TACC2: variants seen among roughly 807,000 people sequenced by gnomAD.
TACC2 encodes the protein transforming acidic coiled-coil containing protein 2.
A neutral mutation model predicts 227.3 loss-of-function variants in TACC2; 137 were observed. The observed-to-expected ratio is 0.60, with a 90% CI of 0.52 to 0.69. TACC2 has a LOEUF of 0.69. TACC2 is among the 30% of genes least tolerant of loss of function. TACC2 has a pLI of 0.00. For missense variants in TACC2, 3,470 were observed against 3,694.4 expected (o/e 0.94, Z 1.57); for synonymous variants, 1,523 against 1,487.5 (o/e 1.02, Z -0.55).
intron 2 of TACC2, among the ~76,000 whole-genome samples, chr10:122,030,137 GA>G (rs139063454): frequency 0.087 from 13,282 of 152,202 alleles, 743 homozygotes; most frequent in Non-Finnish European, 0.12. Flanking sequence ...AGAAACCCTA[GA>G]ATACAAGAAC....
At chr10:122,204,123 G>C (rs1055985961) in intron 8 of TACC2, among the ~76,000 whole-genome samples, 1 of 149,216 alleles carries the variant, frequency 6.7e-6, no homozygotes, top group Non-Finnish European at 1.5e-5. Context: ...GTCCAGCTTC[G>C]GCTCGGCATC....
At position 122,249,143 on chromosome 10, in the gene TACC2, G is replaced by C; in HGVS notation, c.8647G>C (p.Glu2883Gln). ...RYQALKVHAE[E>Q]KLDRANAEIA... ...CCAGGCCCTGAAGGTGCACGCGGAG[G>C]AGAAACTGGACAGGTAACATTTAGC... The change falls in exon 21 of 23, where the codon GAG becomes CAG. Residue 2883 changes from glutamate to glutamine, a missense_variant. Physicochemically the swap from Glu to Gln is conservative, Grantham distance 29. Coordinates refer to ENST00000369005, the MANE Select transcript of TACC2 (RefSeq NM_206862.4). The C allele has an allele frequency of 6.2e-7, 1 of 1,610,728 alleles. No individual in the cohort carries two copies. Among genetic ancestry groups the C allele is most frequent in the Non-Finnish European group, 8.5e-7 (1 of 1,179,012 alleles).
chr10:122,168,232 T>G (rs2093296128), intron 7 of TACC2, among the ~76,000 whole-genome samples: 1 of 152,164 alleles, frequency 6.6e-6, no homozygotes, highest in Admixed American at 6.5e-5. Context: ...CTTTGTTTCT[T>G]GGGGCAGCCC....
chr10:122,201,922 C>T (rs17103195), intron 8 of TACC2, among the ~76,000 whole-genome samples: 15 of 152,104 alleles, frequency 9.9e-5, no homozygotes, highest in East Asian at 9.7e-4. Flanking sequence ...CCAAGGTTTC[C>T]GCTGCTTTTT....
intron 3 of TACC2, among the ~76,000 whole-genome samples, chr10:122,074,124 A>C (rs1367572877): frequency 7.2e-6 from 1 of 139,560 alleles, no homozygotes; most frequent in Non-Finnish European, 1.5e-5. Context: ...TCTGTTGCAC[A>C]GGCTGGAATG....
intron 1 of TACC2, among the ~76,000 whole-genome samples, chr10:122,012,997 T>G (rs1956136423): frequency 6.6e-6 from 1 of 152,140 alleles, no homozygotes; most frequent in South Asian, 2.1e-4. Context: ...TGAAGAGCAG[T>G]TGGCAAAGCA....
At chr10:122,071,266 A>G (rs1040502632) in intron 3 of TACC2, among the ~76,000 whole-genome samples, 8 of 152,166 alleles carry the variant, frequency 5.3e-5, no homozygotes, top group South Asian at 2.1e-4. Context: ...TTATATCAGA[A>G]TGTTATTGGC....
chr10:122,041,795 T>C (rs944315370), intron 2 of TACC2, among the ~76,000 whole-genome samples: 11 of 152,248 alleles, frequency 7.2e-5, no homozygotes, highest in Non-Finnish European at 1.2e-4. Context: ...CCACAGCCCC[T>C]GCTGTGGGGT....
At chr10:122,000,689 G>T (rs1954192815) in intron 1 of TACC2, among the ~76,000 whole-genome samples, 1 of 152,008 alleles carries the variant, frequency 6.6e-6, no homozygotes, top group Admixed American at 6.6e-5. Context: ...ACCCATTACT[G>T]GTTTCTACAA....
At chr10:122,198,794 C>T (rs1473363180) in intron 8 of TACC2, among the ~76,000 whole-genome samples, 1 of 152,228 alleles carries the variant, frequency 6.6e-6, no homozygotes, top group Non-Finnish European at 1.5e-5. Flanking sequence ...TAGCCTGGGG[C>T]AGGCCCTTAG....
intron 3 of TACC2, among the ~76,000 whole-genome samples, chr10:122,078,313 AAAACC>A (rs2079065816): frequency 6.6e-6 from 1 of 151,566 alleles, no homozygotes; most frequent in African/African-American, 2.4e-5. Flanking sequence ...CCGACTCCTG[AAAACC>A]TGGTCGTGCA....
chr10:122,108,919 G>A (rs971330596), intron 5 of TACC2, among the ~76,000 whole-genome samples: 3 of 151,864 alleles, frequency 2.0e-5, no homozygotes. Flanking sequence ...ATTTTTAGTA[G>A]AGATGGGGTT....
chr10:122,216,630 C>T lies in TACC2; in HGVS notation c.7348C>T (p.Pro2450Ser), dbSNP rs767624278. The T allele has an allele frequency of 6.2e-7, 1 of 1,613,464 alleles. No individual in the cohort carries two copies. The highest frequency in any genetic ancestry group is 2.2e-5 in the East Asian group (1 of 44,832). Reference sequence around the variant, plus strand: ...ACAGTTTCTCTTCTCTTTGCAGGACCCCACCCCAGCTGCTACACCAGAAAC... The same window carrying T: ...ACAGTTTCTCTTCTCTTTGCAGGACTCCACCCCAGCTGCTACACCAGAAAC... ...SPLSDPPSQDPTPAATPETPP... is the reference protein window; with the variant it reads ...SPLSDPPSQDSTPAATPETPP... Residue 2450 changes from proline to serine, a missense_variant, in exon 11 of 23, where the codon CCC becomes TCC. Pro to Ser is a moderately conservative substitution (Grantham distance 74, BLOSUM62 -1). Around this residue, in one of 10 missense-constraint regions of TACC2, gnomAD observed 593 missense variants for 636.6 expected, o/e 0.93. Transcript: ENST00000369005.
At chr10:122,000,787 T>G (rs1565033703) in intron 1 of TACC2, among the ~76,000 whole-genome samples, 3 of 151,942 alleles carry the variant, frequency 2.0e-5, no homozygotes, top group Admixed American at 1.3e-4. Context: ...ATTTTTTTGT[T>G]TTGTTTTGTT....
At chr10:122,001,311 C>T (rs965344673) in intron 1 of TACC2, among the ~76,000 whole-genome samples, 2 of 152,136 alleles carry the variant, frequency 1.3e-5, no homozygotes, top group South Asian at 4.1e-4. Flanking sequence ...TGGCAGAAGG[C>T]GAATGAGGAG....
At chr10:122,010,382 C>A (rs146322686) in intron 1 of TACC2, among the ~76,000 whole-genome samples, 26 of 152,258 alleles carry the variant, frequency 1.7e-4, no homozygotes, top group African/African-American at 6.0e-4. Context: ...ATCTTGTCTG[C>A]AGAGAGGGAC....
intron 7 of TACC2, among the ~76,000 whole-genome samples, chr10:122,189,179 A>G (rs563008186): frequency 1.3e-5 from 2 of 152,138 alleles, no homozygotes; most frequent in South Asian, 4.2e-4. Context: ...GTGTGCAGAG[A>G]TTGGGGAGGG....
At chr10:122,169,432 C>T (rs1299037812) in intron 7 of TACC2, among the ~76,000 whole-genome samples, 1 of 152,176 alleles carries the variant, frequency 6.6e-6, no homozygotes, top group Admixed American at 6.5e-5. Context: ...TAAAAGACCT[C>T]ATAGTACATA....
At chr10:122,162,863 G>A (rs2092907047) in intron 7 of TACC2, among the ~76,000 whole-genome samples, 1 of 152,178 alleles carries the variant, frequency 6.6e-6, no homozygotes, top group African/African-American at 2.4e-5. Flanking sequence ...GTACACGCAT[G>A]CTGCATTAGG....
Sources: allele counts gnomAD v4.1 joint callset (sites outside exome capture counted in the v4.1 genomes callset), GRCh38; gene constraint gnomAD v4.1.1; regional missense constraint gnomAD v4.1.1; transcripts MANE v1.5; gene names NCBI Gene and HGNC (gene_info 2026-07-23, HGNC 2026-07-21).